Variants in ZPBP observed in about 807,000 individuals in gnomAD.
ZPBP encodes the protein zona pellucida-binding protein 1.
Under a neutral mutation model 44.8 loss-of-function variants are expected in ZPBP, and 26 were observed. The ratio of observed to expected loss-of-function variants is 0.58; its 90% CI spans 0.43 to 0.81. The LOEUF is 0.81. ZPBP is among the 30% of genes least tolerant of loss of function. The pLI is 0.00. For missense variants in ZPBP, 409 were observed against 434.0 expected (o/e 0.94, Z 0.51); for synonymous variants, 174 against 153.2 (o/e 1.14, Z -1.00).
chr7:49,861,402 A>G (rs965112568), intron 2 of ZPBP, among the ~76,000 whole-genome samples: 4 of 152,166 alleles, frequency 2.6e-5, no homozygotes, highest in Non-Finnish European at 5.9e-5. Flanking sequence ...CCCTTATCAA[A>G]TATATGATTT....
rs943627663 is a variant in ZPBP, at chr7:50,080,840, T to C, written c.334+934A>G. Among the ~76,000 whole-genome samples the C allele has an allele frequency of 5.9e-5, 9 of 151,728 alleles. 1 individual carries two copies. In the Admixed American group the frequency reaches 5.9e-4, roughly 10 times the overall value. On this transcript the variant is annotated intron_variant, in intron 3 of 7. Transcript: ENST00000046087. Reference sequence around the variant, plus strand: ...TGCACAATCGTTCCTACTTTGCTAGTGTAGTGAGGCAGAGGTTATGTCTGA... The same window carrying C: ...TGCACAATCGTTCCTACTTTGCTAGCGTAGTGAGGCAGAGGTTATGTCTGA...
chr7:49,956,556 AATGAAATAACTAC>A (rs1795603706), intron 7 of ZPBP, among the ~76,000 whole-genome samples: 1 of 152,094 alleles, frequency 6.6e-6, no homozygotes. Flanking sequence ...CTCCCTCCAA[AATGAAATAACTAC>A]ATGAATCTAA....
At chr7:49,929,154 A>C (rs1204687312) in intron 1 of ZPBP, among the ~76,000 whole-genome samples, 1 of 152,226 alleles carries the variant, frequency 6.6e-6, no homozygotes, top group Non-Finnish European at 1.5e-5. Flanking sequence ...TTGACTCCCA[A>C]ATCAAGAGGG....
At chr7:50,081,201 G>T (rs1446132334) in intron 3 of ZPBP, among the ~76,000 whole-genome samples, 5 of 151,552 alleles carry the variant, frequency 3.3e-5, no homozygotes, top group African/African-American at 1.2e-4. Flanking sequence ...ATAGCAATAA[G>T]ATTTTTAAAA....
chr7:49,921,018 G>A (rs566894907), intron 1 of ZPBP: 1 of 152,264 alleles, frequency 6.6e-6, no homozygotes, highest in South Asian at 2.1e-4. Context: ...AAGTGTTCAT[G>A]TCCTGTACAA....
chr7:49,910,614 A>G (rs1334937064), intron 1 of ZPBP, among the ~76,000 whole-genome samples: 1 of 148,494 alleles, frequency 6.7e-6, no homozygotes, highest in Non-Finnish European at 1.5e-5. Flanking sequence ...TTAAAAAAAA[A>G]TGTGTTTTAA....
chr7:49,991,455 A>G (rs1797567139), intron 6 of ZPBP, among the ~76,000 whole-genome samples: 1 of 152,152 alleles, frequency 6.6e-6, no homozygotes, highest in African/African-American at 2.4e-5. Context: ...GAATTCTATG[A>G]AAGCTGGAAT....
At chr7:49,841,589 T>C in the ZPBP span, among the ~76,000 whole-genome samples, 1 of 152,220 alleles carries the variant, frequency 6.6e-6, no homozygotes, top group Non-Finnish European at 1.5e-5. Context: ...CTAAAATGCT[T>C]TGGACGTGGA....
chr7:49,947,972 A>G (rs1266072433), intron 7 of ZPBP, among the ~76,000 whole-genome samples: 1 of 152,198 alleles, frequency 6.6e-6, no homozygotes, highest in Non-Finnish European at 1.5e-5. Context: ...CTCTATGACC[A>G]TCATTGCCCC....
At chr7:49,961,013 T>C (rs774869472) in intron 7 of ZPBP, among the ~76,000 whole-genome samples, 1 of 152,152 alleles carries the variant, frequency 6.6e-6, no homozygotes, top group Non-Finnish European at 1.5e-5. Flanking sequence ...TAAATATGGA[T>C]ACAATTGGCT....
intron 1 of ZPBP, among the ~76,000 whole-genome samples, chr7:49,909,716 G>A (rs1360139602): frequency 2.0e-5 from 3 of 152,164 alleles, no homozygotes; most frequent in African/African-American, 7.2e-5. Context: ...AAATTTGGGA[G>A]TCATTGCCAG....
intron 3 of ZPBP, 115 bp downstream of exon 3, chr7:50,081,658 AC>A: frequency 7.6e-7 from 1 of 1,318,964 alleles, no homozygotes; most frequent in Non-Finnish European, 1.1e-6. Context: ...AAAGGAAATC[AC>A]AAGAAAAAGA....
chr7:49,992,315 T>C (rs746440019), intron 6 of ZPBP, among the ~76,000 whole-genome samples: 26 of 152,022 alleles, frequency 1.7e-4, no homozygotes, highest in Non-Finnish European at 3.4e-4. Context: ...TTACATAACA[T>C]ACAAAATGAT....
At position 50,002,791 on chromosome 7, in the gene ZPBP, T is replaced by A. The variant is rs1798153598; in HGVS notation, c.783+15449A>T. On this transcript the variant is annotated intron_variant, in intron 6 of 7. Transcript: ENST00000046087. Reference sequence around the variant, plus strand: ...GTCATAAAAGCAATACTTGAATGAATCAAGCTGTTTTCCAGATAACTTGTA... The same window carrying A: ...GTCATAAAAGCAATACTTGAATGAAACAAGCTGTTTTCCAGATAACTTGTA... Among the ~76,000 whole-genome samples the A allele has an allele frequency of 3.3e-5, 5 of 152,290 alleles. No homozygotes were observed. The South Asian group carries it at 1.0e-3, about 32-fold the overall frequency.
At chr7:49,920,261 G>GA (rs148642276) in intron 1 of ZPBP, 2 of 151,918 alleles carry the variant, frequency 1.3e-5, no homozygotes, top group African/African-American at 4.8e-5. Context: ...TTTTCTTAAG[G>GA]AAAAAATGAA....
At chr7:49,958,676 A>G (rs1423578162) in intron 7 of ZPBP, among the ~76,000 whole-genome samples, 1 of 152,194 alleles carries the variant, frequency 6.6e-6, no homozygotes, top group African/African-American at 2.4e-5. Context: ...AGTCTGTGGT[A>G]TTCTGTTTTA....
intron 7 of ZPBP, among the ~76,000 whole-genome samples, chr7:49,939,965 A>G (rs1012584837): frequency 6.6e-6 from 1 of 152,186 alleles, no homozygotes; most frequent in African/African-American, 2.4e-5. Context: ...AAAATCTTCA[A>G]TGAAAAGGGA....
chr7:49,847,559 T>C (rs1789990920), downstream of ZPBP, among the ~76,000 whole-genome samples: 1 of 152,188 alleles, frequency 6.6e-6, no homozygotes, highest in African/African-American at 2.4e-5. Context: ...TCATCATTGT[T>C]CAAAGAGAGT....
At chr7:49,938,155 G>A (rs1450709633) in intron 7 of ZPBP, among the ~76,000 whole-genome samples, 1 of 152,190 alleles carries the variant, frequency 6.6e-6, no homozygotes, top group Admixed American at 6.5e-5. Flanking sequence ...TATAGCAGAA[G>A]CCACAAGAGG....
Sources: allele counts gnomAD v4.1 joint callset (sites outside exome capture counted in the v4.1 genomes callset), GRCh38; gene constraint gnomAD v4.1.1; transcripts MANE v1.5; gene names NCBI Gene and HGNC (gene_info 2026-07-23, HGNC 2026-07-21).